The following PTPRD variants were observed in gnomAD, a reference collection of about 807,000 sequenced individuals.
PTPRD encodes protein tyrosine phosphatase receptor type D, also known as receptor-type tyrosine-protein phosphatase delta.
Under a neutral mutation model 214.5 loss-of-function variants are expected in PTPRD, and 34 were observed. The ratio of observed to expected loss-of-function variants is 0.16; its 90% CI spans 0.12 to 0.21. PTPRD has a LOEUF of 0.21. PTPRD is among the 10% of genes least tolerant of loss of function. The pLI, the probability that PTPRD is intolerant of heterozygous loss-of-function variation, is 1.00. For missense variants in PTPRD, 2,545 were observed against 2,398.7 expected, an observed-to-expected ratio of 1.06 and a Z score of -1.27; for synonymous variants, 1,128 against 845.7, an observed-to-expected ratio of 1.33 and a Z score of -5.79.
At chr9:9,873,800 T>C (rs28574708) in intron 5 of PTPRD, among the ~76,000 whole-genome samples, 3,764 of 152,236 alleles carry the variant, frequency 0.025, 58 homozygotes, top group Middle Eastern at 0.044. Context: ...GCAGCATAAG[T>C]TACAGAAGCA....
intron 5 of PTPRD, among the ~76,000 whole-genome samples, chr9:9,790,837 A>T (rs74864655): frequency 0.022 from 2,973 of 137,612 alleles, 114 homozygotes; most frequent in African/African-American, 0.075. Flanking sequence ...ATAGGCAATA[A>T]ATATATTTTG....
intron 3 of PTPRD, among the ~76,000 whole-genome samples, chr9:10,104,126 G>A (rs528358407): frequency 4.0e-5 from 6 of 151,668 alleles, no homozygotes; most frequent in Non-Finnish European, 8.8e-5. Flanking sequence ...CAAAGTCATA[G>A]AGACAGAAAG....
rs193147582 is a variant in PTPRD at position 9,338,484 on chromosome 9, T to A, written c.-203+58965A>T. Among the ~76,000 whole-genome samples, 843 of 152,296 alleles carry A rather than the reference T, an allele frequency of 5.5e-3. 10 individuals are homozygous for A. The highest frequency in any genetic ancestry group is 0.019 in the African/African-American group (800 of 41,570). On this transcript the variant is annotated intron_variant, in intron 9 of 45. Coordinates refer to ENST00000381196, the MANE Select transcript of PTPRD (RefSeq NM_002839.4). ...TTTTTTTAGTTAAAAAACATTTTAA[T>A]TTTTTAAATCTAATGTTTTTATATT...
intron 11 of PTPRD, among the ~76,000 whole-genome samples, chr9:8,790,907 C>T (rs2096204238): frequency 6.6e-6 from 1 of 152,278 alleles, no homozygotes; most frequent in Admixed American, 6.5e-5. Context: ...ATTTAAAGTA[C>T]TCAACCGCCA....
chr9:9,487,773 T>C (rs901892523), intron 8 of PTPRD, among the ~76,000 whole-genome samples: 3 of 152,128 alleles, frequency 2.0e-5, no homozygotes, highest in African/African-American at 7.2e-5. Context: ...TATATACACT[T>C]AGATTTCCAG....
Position 8,526,654 on chromosome 9 carries a change from T to C in PTPRD, c.551-10A>G, listed in dbSNP as rs2074241806. 4 of 1,572,244 alleles carry C rather than the reference T, an allele frequency of 2.5e-6. No individual in the cohort carries two copies. The highest frequency in any genetic ancestry group is 2.3e-5 in the East Asian group (1 of 43,852). On this transcript the variant is annotated splice_polypyrimidine_tract_variant and intron_variant, in intron 16 of 45. Transcript: ENST00000381196. ...CTTATTGGTGTACCACCTGGGTGGA[T>C]AATATGAATGCAAATAAGATTAGAA...
chr9:9,621,038 G>A (rs1015602229), intron 7 of PTPRD, among the ~76,000 whole-genome samples: 1 of 152,082 alleles, frequency 6.6e-6, no homozygotes, highest in African/African-American at 2.4e-5. Flanking sequence ...CTCTGGGCAG[G>A]GGTTAGTCTG....
intron 12 of PTPRD, among the ~76,000 whole-genome samples, chr9:8,659,551 T>G (rs1372787709): frequency 3.3e-5 from 5 of 152,248 alleles, no homozygotes; most frequent in African/African-American, 1.2e-4. Context: ...ACTTCTAACT[T>G]ATTTTACACC....
At chr9:8,992,238 T>G (rs998214902) in intron 11 of PTPRD, among the ~76,000 whole-genome samples, 3 of 152,066 alleles carry the variant, frequency 2.0e-5, no homozygotes, top group Non-Finnish European at 4.4e-5. Context: ...ACTGTAAGAG[T>G]GACACCCCAA....
At chr9:9,352,302 C>G (rs1187192622) in intron 9 of PTPRD, among the ~76,000 whole-genome samples, 1 of 146,220 alleles carries the variant, frequency 6.8e-6, no homozygotes, top group African/African-American at 2.6e-5. Context: ...ACAATACTGC[C>G]AAAAAACCAT....
At chr9:9,732,004 C>G (rs77795255) in intron 7 of PTPRD, among the ~76,000 whole-genome samples, 2,842 of 152,172 alleles carry the variant, frequency 0.019, 99 homozygotes, top group African/African-American at 0.064. Flanking sequence ...TATGCTTTGT[C>G]ATCTTAAAAA....
intron 11 of PTPRD, among the ~76,000 whole-genome samples, chr9:8,955,515 G>A (rs2099126501): frequency 6.6e-6 from 1 of 151,818 alleles, no homozygotes; most frequent in Non-Finnish European, 1.5e-5. Context: ...AAATGGAAGT[G>A]CCCTTTCCTG....
intron 7 of PTPRD, among the ~76,000 whole-genome samples, chr9:9,638,447 T>C (rs1471399264): frequency 6.6e-6 from 1 of 152,200 alleles, no homozygotes; most frequent in Non-Finnish European, 1.5e-5. Flanking sequence ...GTTTTAAATA[T>C]CCTTGTTCCT....
intron 5 of PTPRD, among the ~76,000 whole-genome samples, chr9:9,904,524 T>A (rs901666656): frequency 6.6e-6 from 1 of 152,092 alleles, no homozygotes; most frequent in Non-Finnish European, 1.5e-5. Flanking sequence ...AACCAAAGGT[T>A]ATGCTCTCAA....
At chr9:8,536,582 C>A (rs1467226729) in intron 14 of PTPRD, among the ~76,000 whole-genome samples, 1 of 151,914 alleles carries the variant, frequency 6.6e-6, no homozygotes, top group Non-Finnish European at 1.5e-5. Flanking sequence ...TGTGAAAAGG[C>A]TGATAAATGT....
chr9:8,611,683 T>C (rs910849469), intron 14 of PTPRD, among the ~76,000 whole-genome samples: 2 of 145,070 alleles, frequency 1.4e-5, no homozygotes, highest in African/African-American at 5.1e-5. Flanking sequence ...CACTCCAGCC[T>C]GAGTGACAGG....
intron 4 of PTPRD, among the ~76,000 whole-genome samples, chr9:10,025,268 T>C (rs2096902150): frequency 6.6e-6 from 1 of 152,196 alleles, no homozygotes; most frequent in Non-Finnish European, 1.5e-5. Flanking sequence ...GTGTTCCTAT[T>C]TCTCCACATC....
intron 9 of PTPRD, among the ~76,000 whole-genome samples, chr9:9,210,987 T>C (rs2132806322): frequency 6.6e-6 from 1 of 152,172 alleles, no homozygotes; most frequent in Non-Finnish European, 1.5e-5. Context: ...TCTTTGGAAG[T>C]TGAGAATAAA....
At chr9:9,554,618 C>T (rs1447071262) in intron 8 of PTPRD, among the ~76,000 whole-genome samples, 2 of 151,922 alleles carry the variant, frequency 1.3e-5, no homozygotes, top group Non-Finnish European at 2.9e-5. Context: ...TGTTTGGCAC[C>T]TGAAGAAATT....
Sources: allele counts gnomAD v4.1 joint callset (sites outside exome capture counted in the v4.1 genomes callset), GRCh38; gene constraint gnomAD v4.1.1; transcripts MANE v1.5; gene names NCBI Gene and HGNC (gene_info 2026-07-23, HGNC 2026-07-21).